Variants in GHR observed in about 807,000 individuals in gnomAD.
The protein encoded by GHR is growth hormone receptor.
A neutral mutation model predicts 67.1 loss-of-function variants in GHR; 35 were observed. The ratio of observed to expected loss-of-function variants is 0.52; its 90% CI spans 0.40 to 0.69. The LOEUF is 0.69. Among genes scored for constraint, GHR ranks in the 30% least tolerant of loss-of-function variants. The pLI, the probability that GHR is intolerant of heterozygous loss-of-function variation, is 0.00. For synonymous variants in GHR, 272 were observed against 269.1 expected (o/e 1.01, Z -0.10); for missense variants, 792 against 764.6 (o/e 1.04, Z -0.42).
chr5:42,557,877 T>C (rs1430592506), intron 1 of GHR, among the ~76,000 whole-genome samples: 1 of 152,224 alleles, frequency 6.6e-6, no homozygotes, highest in Non-Finnish European at 1.5e-5. Context: ...GTTAGTAGAT[T>C]GCTTAATCTT....
chr5:42,691,654 G>A (rs1757427729), intron 4 of GHR, among the ~76,000 whole-genome samples: 2 of 152,210 alleles, frequency 1.3e-5, no homozygotes, highest in African/African-American at 4.8e-5. Flanking sequence ...TGCTGGCCTG[G>A]CCTCAGTATC....
intron 1 of GHR, among the ~76,000 whole-genome samples, chr5:42,495,318 G>A (rs576329191): frequency 3.3e-5 from 5 of 152,036 alleles, no homozygotes; most frequent in Admixed American, 3.3e-4. Context: ...AGACTCCTTT[G>A]AGAGTGACAT....
intron 2 of GHR, among the ~76,000 whole-genome samples, chr5:42,616,677 G>GAAA (rs11333795): frequency 7.1e-6 from 1 of 141,226 alleles, no homozygotes; most frequent in African/African-American, 2.5e-5. Context: ...CTTTGCAGGG[G>GAAA]AAAAAAAAAA....
At chr5:42,479,154 T>C (rs1440997656) in intron 1 of GHR, among the ~76,000 whole-genome samples, 2 of 152,236 alleles carry the variant, frequency 1.3e-5, no homozygotes, top group Non-Finnish European at 2.9e-5. Context: ...ATGTGGTTTT[T>C]GTCTTTGGTT....
At chr5:42,528,007 G>T (rs540321276) in intron 1 of GHR, among the ~76,000 whole-genome samples, 2 of 152,202 alleles carry the variant, frequency 1.3e-5, no homozygotes, top group South Asian at 2.1e-4. Flanking sequence ...AGAAAAAAAA[G>T]ATTTTTTTCT....
intron 1 of GHR, among the ~76,000 whole-genome samples, chr5:42,458,423 C>T (rs1240001477): frequency 1.3e-5 from 2 of 151,996 alleles, no homozygotes; most frequent in African/African-American, 4.8e-5. Flanking sequence ...GCTAGCTAGC[C>T]ATATGCAGAA....
Position 42,523,081 on chromosome 5 carries a change from A to T in GHR, c.-11-42783A>T, listed in dbSNP as rs1747545940. ...AGCAAAGAGATAAATTTACTCTTTT[A>T]TATGATTACAACCAAATCACACACT... On this transcript the variant is annotated intron_variant, in intron 1 of 9. Coordinates refer to ENST00000230882, the MANE Select transcript of GHR (RefSeq NM_000163.5). 1.3e-5 allele frequency among the ~76,000 whole-genome samples: 2 copies of T among 152,212 alleles called. 1 individual carries two copies. The highest frequency in any genetic ancestry group is 1.3e-4 in the Admixed American group (2 of 15,282).
intron 6 of GHR, among the ~76,000 whole-genome samples, chr5:42,700,347 G>T (rs1757875291): frequency 6.6e-6 from 1 of 152,238 alleles, no homozygotes; most frequent in Non-Finnish European, 1.5e-5. Flanking sequence ...AGTCAACAGT[G>T]ACTATGGCCA....
At chr5:42,627,502 C>G (rs1400080607) in intron 2 of GHR, among the ~76,000 whole-genome samples, 1 of 152,164 alleles carries the variant, frequency 6.6e-6, no homozygotes, top group Non-Finnish European at 1.5e-5. Flanking sequence ...GCAGAAAAAT[C>G]AAACTGTAAA....
intron 2 of GHR, among the ~76,000 whole-genome samples, chr5:42,601,347 A>C (rs574307908): frequency 6.6e-6 from 1 of 152,246 alleles, no homozygotes; most frequent in East Asian, 1.9e-4. Flanking sequence ...GAATAATCAG[A>C]TGTCTTAAAT....
chr5:42,464,015 AAG>A (rs1302266609), intron 1 of GHR, among the ~76,000 whole-genome samples: 5,457 of 121,954 alleles, frequency 0.045, 202 homozygotes, highest in Non-Finnish European at 0.06. Flanking sequence ...AAAAAAAAAA[AAG>A]AAAAAGAAAT....
In GHR at chr5:42,494,810, A is replaced by G. The variant is rs113160815; in HGVS notation, c.-12+70855A>G. Among the ~76,000 whole-genome samples the G allele has an allele frequency of 2.5e-3, 387 of 152,318 alleles. 2 individuals are homozygous for G. Among genetic ancestry groups the G allele is most frequent in the African/African-American group, 8.9e-3 (368 of 41,574 alleles). ...TTTATTTCTGCTTGTTGCCCTCTAT[A>G]GATGAGTGAAATGCAATGAAGATAT... is the stretch of plus-strand genomic sequence containing the variant. On this transcript the variant is annotated intron_variant, in intron 1 of 9. Coordinates refer to ENST00000230882, the MANE Select transcript of GHR (RefSeq NM_000163.5).
chr5:42,559,148 A>G (rs1218996371), intron 1 of GHR, among the ~76,000 whole-genome samples: 1 of 152,188 alleles, frequency 6.6e-6, no homozygotes, highest in Non-Finnish European at 1.5e-5. Context: ...GAATTCCTCA[A>G]TTGCATTAGC....
At chr5:42,545,275 T>C (rs928110474) in intron 1 of GHR, among the ~76,000 whole-genome samples, 2 of 152,172 alleles carry the variant, frequency 1.3e-5, no homozygotes, top group African/African-American at 4.8e-5. Context: ...TTCATTTGAA[T>C]CAACAAAGAA....
intron 1 of GHR, among the ~76,000 whole-genome samples, chr5:42,496,600 G>T (rs896987777): frequency 1.3e-5 from 2 of 152,120 alleles, no homozygotes; most frequent in African/African-American, 4.8e-5. Context: ...GGTACGTCTT[G>T]TCCCACAGAA....
chr5:42,649,202 G>A (rs148332073), intron 3 of GHR, among the ~76,000 whole-genome samples: 220 of 152,194 alleles, frequency 1.4e-3, no homozygotes, highest in African/African-American at 4.9e-3. Flanking sequence ...TTATAAGCTC[G>A]TATGAAAATT....
At chr5:42,493,284 G>A (rs572382417) in intron 1 of GHR, among the ~76,000 whole-genome samples, 1 of 152,132 alleles carries the variant, frequency 6.6e-6, no homozygotes, top group Non-Finnish European at 1.5e-5. Flanking sequence ...TGGAGAAGGA[G>A]TTTGGTATTA....
chr5:42,679,410 A>G (rs1756745123), intron 3 of GHR, among the ~76,000 whole-genome samples: 1 of 151,636 alleles, frequency 6.6e-6, no homozygotes, highest in African/African-American at 2.4e-5. Flanking sequence ...GTGGATCCCG[A>G]GGTCAAGAGA....
At chr5:42,603,664 G>A (rs1267185584) in intron 2 of GHR, among the ~76,000 whole-genome samples, 1 of 152,118 alleles carries the variant, frequency 6.6e-6, no homozygotes, top group Admixed American at 6.5e-5. Flanking sequence ...CAAACAAACT[G>A]TTTTTCCTCT....
Sources: gnomAD v4.1 joint callset for allele counts (sites outside exome capture counted in the v4.1 genomes callset) on GRCh38, gnomAD v4.1.1 for gene constraint, MANE v1.5 for transcripts, NCBI Gene and HGNC (gene_info 2026-07-23, HGNC 2026-07-21) for gene names.